Variants in ACTR1A observed in about 807,000 individuals in gnomAD.
ACTR1A encodes alpha-centractin.
In ACTR1A, 10 loss-of-function variants were observed where a neutral mutation model predicts 50.7. The observed-to-expected ratio is 0.20, with a 90% CI of 0.12 to 0.33. ACTR1A has a LOEUF of 0.33. Among genes scored for constraint, ACTR1A ranks in the 10% least tolerant of loss-of-function variants. The pLI is 1.00. For synonymous variants in ACTR1A, 177 were observed against 184.2 expected, an observed-to-expected ratio of 0.96 and a Z score of 0.32; for missense variants, 253 against 491.7, an observed-to-expected ratio of 0.51 and a Z score of 4.59.
At position 102,479,243 on chromosome 10, in the gene ACTR1A, G is replaced by C. The variant is rs2062125249; in HGVS notation, c.*1620C>G. 1 of 741,132 alleles carries C rather than the reference G, an allele frequency of 1.3e-6. No homozygotes were observed. The highest frequency in any genetic ancestry group is 6.6e-5 in the East Asian group (1 of 15,118). 45.9% of individuals were successfully genotyped at this position (741,132 alleles called of 1,614,324 possible). A position where few individuals can be genotyped will look rare whatever the true frequency, so the allele number is the denominator to read the frequency against. On this transcript the variant is annotated 3_prime_UTR_variant, in exon 11 of 11. Transcript: ENST00000369905. This position sits in a 1 kb window ranked among gnomAD's most constrained non-coding sequence, Gnocchi z 4.0. ...AGAGGCCCAGCTGACGTGTCTATCG[G>C]AACGACTTTATTTCAGTACACTGGG...
intron 1 of ACTR1A, among the ~76,000 whole-genome samples, chr10:102,498,868 A>G (rs1279462507): frequency 6.6e-6 from 1 of 152,070 alleles, no homozygotes; most frequent in Non-Finnish European, 1.5e-5. Context: ...CCTATCTTAC[A>G]CTATTCTCTA....
chr10:102,489,089 C>G lies in ACTR1A; in HGVS notation c.163G>C (p.Asp55His). 6.3e-7 allele frequency: 1 copy of G among 1,587,412 alleles called. No homozygotes were observed. The highest frequency in any genetic ancestry group is 8.6e-7 in the Non-Finnish European group (1 of 1,166,884). The change falls in exon 3 of 11, where the codon GAC becomes CAC. Residue 55 changes from aspartate (D) to histidine (H), a missense_variant. Coordinates refer to ENST00000369905, the MANE Select transcript of ACTR1A (RefSeq NM_005736.4). ...VRVMAGALEG[D>H]IFIGPKAEEH... ...TCAGCTTTGGGGCCAATGAAGATGT[C>G]GCCTTCAAGGGCTCCTGCCATGACA... is the stretch of plus-strand genomic sequence containing the variant.
chr10:102,482,158 G>A lies in ACTR1A; in HGVS notation c.768C>T (p.Phe256=). The A allele has an allele frequency of 1.2e-6, 2 of 1,613,120 alleles. No individual in the cohort carries two copies. The highest frequency in any genetic ancestry group is 1.7e-6 in the Non-Finnish European group (2 of 1,180,030). ...GSTIEIGPSR[F]RAPELLFRPD... is the part of the protein sequence containing the mutation. The stretch of plus-strand genomic sequence containing the variant: ...GCCTGAAGAGCAACTCAGGGGCCCG[G>A]AATCGGGAAGGACCAATCTGCAGGT... Residue 256 remains phenylalanine, a synonymous_variant, in exon 8 of 11, where the codon TTC becomes TTT. Transcript: ENST00000369905. This position sits in a 1 kb window ranked among gnomAD's most constrained non-coding sequence, Gnocchi z 5.6.
Position 102,480,847 on chromosome 10 carries a change from AGAT to A in ACTR1A, c.*13_*15del. On this transcript the variant is annotated 3_prime_UTR_variant, in exon 11 of 11. Transcript: ENST00000369905. Reference sequence around the variant, plus strand: ...TGGAGTTAACTTCAGAGAGAGGTGAAGATGATGTCCCGACATTAGAAGGTTTTT... The same window carrying A: ...TGGAGTTAACTTCAGAGAGAGGTGAAGATGTCCCGACATTAGAAGGTTTTT... 2 of 1,593,132 alleles carry A rather than the reference AGAT, an allele frequency of 1.3e-6. No individual in the cohort carries two copies. Among genetic ancestry groups the A allele is most frequent in the Non-Finnish European group, 1.7e-6 (2 of 1,161,292 alleles).
At chr10:102,490,165 A>G (rs7074444) in intron 2 of ACTR1A, among the ~76,000 whole-genome samples, 52,369 of 149,156 alleles carry the variant, frequency 0.35, 9,325 homozygotes, top group African/African-American at 0.39. Flanking sequence ...CCCGGGATGC[A>G]GAGCTTGCAG....
chr10:102,493,001 CA>C lies in ACTR1A; in HGVS notation c.49-2389del, dbSNP rs398014648. Among the ~76,000 whole-genome samples the C allele has an allele frequency of 3.5e-4, 17 of 48,934 alleles. 1 individual carries two copies. Among genetic ancestry groups the C allele is most frequent in the Admixed American group, 2.1e-3 (6 of 2,848 alleles). 32.1% of individuals were successfully genotyped at this position (48,934 alleles called of 152,430 possible). ...AGGGAGACAGAGTGAGACTCCACCTCAAAAAAAAAAAAAAAAAAAAAAAGAA... is the reference window on the plus strand; with the variant it reads ...AGGGAGACAGAGTGAGACTCCACCTCAAAAAAAAAAAAAAAAAAAAAAGAA... On this transcript the variant is annotated intron_variant, in intron 1 of 10. Coordinates refer to ENST00000369905, the MANE Select transcript of ACTR1A (RefSeq NM_005736.4).
At chr10:102,500,393 C>G (rs987371805) in intron 1 of ACTR1A, among the ~76,000 whole-genome samples, 1 of 151,922 alleles carries the variant, frequency 6.6e-6, no homozygotes, top group African/African-American at 2.4e-5. Flanking sequence ...CACGGTGAAA[C>G]CCCATCTCTA....
chr10:102,485,765 C>A (rs2062165200), intron 4 of ACTR1A, 32 bp from the exon 5 acceptor site: 3 of 1,610,450 alleles, frequency 1.9e-6, no homozygotes, highest in East Asian at 4.5e-5. Flanking sequence ...ACAATGAGGC[C>A]AAGGCCAGAT....
rs1346056013 is a variant in ACTR1A, at chr10:102,488,661, G to T, written c.190-386C>A. On this transcript the variant is annotated intron_variant, in intron 3 of 10. Transcript: ENST00000369905. This position sits in a 1 kb window ranked among gnomAD's most constrained non-coding sequence, Gnocchi z 4.4. ...CGATTCTGCTATCTGCTTACAAGAG[G>T]CTGCATGAGGGCTCTGACAAAGCTG... 6.6e-6 allele frequency among the ~76,000 whole-genome samples: 1 copy of T among 152,182 alleles called. No homozygotes were observed. Among genetic ancestry groups the T allele is most frequent in the Non-Finnish European group, 1.5e-5 (1 of 68,028 alleles).
chr10:102,481,224 T>C, intron 9 of ACTR1A, 52 bp from the exon 10 acceptor site: 1 of 1,514,770 alleles, frequency 6.6e-7, no homozygotes, highest in East Asian at 2.3e-5. Flanking sequence ...TCCCGCTCCC[T>C]TTCCCTACAA....
chr10:102,484,435 A>G lies in ACTR1A; in HGVS notation c.441-59T>C, dbSNP rs2135580774. ...GCCTCCTCACGCTGGGAAGAAATAC[A>G]CTTCTTTATTTAGGGTTCAATGTCA... On this transcript the variant is annotated intron_variant, in intron 5 of 10. Coordinates refer to ENST00000369905, the MANE Select transcript of ACTR1A (RefSeq NM_005736.4). The G allele has an allele frequency of 2.1e-6, 3 of 1,424,440 alleles. No individual in the cohort carries two copies. In the East Asian group the frequency reaches 7.0e-5, roughly 33 times the overall value. 88.2% of individuals were successfully genotyped at this position (1,424,440 alleles called of 1,614,324 possible).
At position 102,490,318 on chromosome 10, in the gene ACTR1A, C is replaced by A. The variant is rs567784371; in HGVS notation, c.113+231G>T. Among the ~76,000 whole-genome samples the A allele has an allele frequency of 2.6e-5, 4 of 151,196 alleles. No individual in the cohort carries two copies. The East Asian group carries it at 7.8e-4, about 29-fold the overall frequency. ...TGATAGGAGAATTTTAAAAGGAGGG[C>A]TCCACCAAGAGGCAATCCTCCAAAG... On this transcript the variant is annotated intron_variant, in intron 2 of 10. Coordinates refer to ENST00000369905, the MANE Select transcript of ACTR1A (RefSeq NM_005736.4).
intron 1 of ACTR1A, among the ~76,000 whole-genome samples, chr10:102,494,148 C>G (rs1163154020): frequency 6.6e-6 from 1 of 152,244 alleles, no homozygotes; most frequent in Non-Finnish European, 1.5e-5. Flanking sequence ...CTGCCACTGT[C>G]TTTGTTATTC....
chr10:102,502,710 G>A lies in ACTR1A; in HGVS notation c.-63C>T. 6 of 1,580,132 alleles carry A rather than the reference G, an allele frequency of 3.8e-6. No individual in the cohort carries two copies. Among genetic ancestry groups the A allele is most frequent in the Non-Finnish European group, 5.2e-6 (6 of 1,150,172 alleles). On this transcript the variant is annotated 5_prime_UTR_variant, in exon 1 of 11. Coordinates refer to ENST00000369905, the MANE Select transcript of ACTR1A (RefSeq NM_005736.4). Reference sequence around the variant, plus strand: ...AGCCGGGTCCGCCGCTAGCGCCACTGACACGCATGCGCAGTCTAGCCGCCG... The same window carrying A: ...AGCCGGGTCCGCCGCTAGCGCCACTAACACGCATGCGCAGTCTAGCCGCCG...
chr10:102,494,428 G>T (rs1446019316), intron 1 of ACTR1A, among the ~76,000 whole-genome samples: 1 of 152,112 alleles, frequency 6.6e-6, no homozygotes, highest in Admixed American at 6.6e-5. Context: ...AGCCCGGGAG[G>T]TCGAGACCAG....
chr10:102,485,190 CG>C (rs1447581816), intron 5 of ACTR1A, among the ~76,000 whole-genome samples: 1 of 151,902 alleles, frequency 6.6e-6, no homozygotes, highest in Non-Finnish European at 1.5e-5. Flanking sequence ...ACAGGAGCCA[CG>C]GGGGATGGGA....
chr10:102,488,080 C>A lies in ACTR1A; in HGVS notation c.315+70G>T. ...TGGCAGTGATCATCGTCCTCCTCAT[C>A]ATCTCTAGGGTAGGAGTTTGACACA... On this transcript the variant is annotated intron_variant, in intron 4 of 10. Coordinates refer to ENST00000369905, the MANE Select transcript of ACTR1A (RefSeq NM_005736.4). This position sits in a 1 kb window ranked among gnomAD's most constrained non-coding sequence, Gnocchi z 4.4. 1 of 1,547,224 alleles carries A rather than the reference C, an allele frequency of 6.5e-7. No individual in the cohort carries two copies. Among genetic ancestry groups the A allele is most frequent in the South Asian group, 1.2e-5 (1 of 85,976 alleles).
chr10:102,486,875 C>T (rs995953380), intron 4 of ACTR1A, among the ~76,000 whole-genome samples: 2 of 151,552 alleles, frequency 1.3e-5, no homozygotes, highest in East Asian at 3.9e-4. Flanking sequence ...AACCTCGATG[C>T]CCCCAGGCTC....
At chr10:102,484,420 G>C (rs112214810) in intron 5 of ACTR1A, 44 bp from the exon 6 acceptor site, 2 of 1,507,042 alleles carry the variant, frequency 1.3e-6, no homozygotes, top group African/African-American at 1.4e-5. Context: ...GCCTCCTCAC[G>C]CTGGGAAGAA....
Sources: allele counts gnomAD v4.1 joint callset (sites outside exome capture counted in the v4.1 genomes callset), GRCh38; gene constraint gnomAD v4.1.1; non-coding constraint Gnocchi (gnomAD v3.1); transcripts MANE v1.5; gene names NCBI Gene and HGNC (gene_info 2026-07-23, HGNC 2026-07-21).